The following IL10RB variants were observed in gnomAD, a reference collection of about 807,000 sequenced individuals.
IL10RB encodes the protein interleukin-10 receptor subunit beta.
A neutral mutation model predicts 38.7 loss-of-function variants in IL10RB; 30 were observed. The observed-to-expected ratio is 0.78, with a 90% confidence interval of 0.58 to 1.05. IL10RB has a LOEUF of 1.05. Among genes scored for constraint, IL10RB ranks in the 50% least tolerant of loss-of-function variants. IL10RB has a pLI of 0.00. For missense variants in IL10RB, 328 were observed against 397.1 expected (o/e 0.83, Z 1.48); for synonymous variants, 142 against 145.9 (o/e 0.97, Z 0.19).
chr21:33,291,154 A>C (rs751977888), intron 6 of IL10RB, among the ~76,000 whole-genome samples: 1 of 152,144 alleles, frequency 6.6e-6, no homozygotes, highest in Non-Finnish European at 1.5e-5. Context: ...CAGTCACGGG[A>C]GGAGGGCTCA....
chr21:33,276,517 CT>C (rs1460524050), intron 2 of IL10RB, 78 bp from the exon 3 acceptor site: 6 of 1,198,572 alleles, frequency 5.0e-6, no homozygotes, highest in African/African-American at 1.5e-5. Context: ...CCGCCCCCCC[CT>C]CCAAATTAAG....
intron 4 of IL10RB, 59 bp downstream of exon 4, chr21:33,279,977 TGCAAGGTG>T: frequency 6.7e-7 from 1 of 1,500,802 alleles, no homozygotes; most frequent in Non-Finnish European, 9.3e-7. Flanking sequence ...TGCAGAATCT[TGCAAGGTG>T]GCAGCACCTT....
chr21:33,278,245 G>T (rs1256064845), intron 3 of IL10RB, among the ~76,000 whole-genome samples: 1 of 151,810 alleles, frequency 6.6e-6, no homozygotes, highest in Admixed American at 6.6e-5. Flanking sequence ...CTCTATATGG[G>T]GAGTGGTCTT....
At chr21:33,276,897 G>A (rs1989181894) in intron 3 of IL10RB, 144 bp downstream of exon 3, 2 of 678,320 alleles carry the variant, frequency 2.9e-6, no homozygotes, top group African/African-American at 3.6e-5. Flanking sequence ...ATAATAAAGA[G>A]AGTTGTATCC....
intron 3 of IL10RB, 27 bp from the exon 4 acceptor site, chr21:33,279,725 T>C: frequency 6.2e-7 from 1 of 1,606,564 alleles, no homozygotes; most frequent in African/African-American, 1.3e-5. Context: ...GATTTTTGAT[T>C]GTCATTTTGC....
intron 4 of IL10RB, among the ~76,000 whole-genome samples, chr21:33,281,044 G>A (rs1029854120): frequency 5.9e-5 from 9 of 152,186 alleles, no homozygotes; most frequent in African/African-American, 1.9e-4. Context: ...TTCAGTGTCT[G>A]GTGAGCACTG....
chr21:33,298,956 TAA>T (rs1425568592), downstream of IL10RB, among the ~76,000 whole-genome samples: 1 of 152,126 alleles, frequency 6.6e-6, no homozygotes, highest in African/African-American at 2.4e-5. Flanking sequence ...ATCTGCAGAA[TAA>T]AAGATTAGGG....
chr21:33,309,085 G>A (rs868421652), exon 2 of IL10RB: 3 of 152,220 alleles, frequency 2.0e-5, no homozygotes, highest in South Asian at 2.1e-4. Context: ...GCCCTTGCAC[G>A]TTTGTGGTTT....
Position 33,296,517 on chromosome 21 carries a change from T to G in IL10RB, c.*160T>G. On this transcript the variant is annotated 3_prime_UTR_variant, in exon 7 of 7. Coordinates refer to ENST00000290200, the MANE Select transcript of IL10RB (RefSeq NM_000628.5). ...GGACTTAGCCACCAGAGAGCTACAT[T>G]TTAAAGGCTGTCTTGGCAAAAATAC... The G allele has an allele frequency of 1.3e-6, 1 of 752,460 alleles. No homozygotes were observed. Among genetic ancestry groups the G allele is most frequent in the South Asian group, 1.5e-5 (1 of 68,220 alleles). The allele number at this position is 752,460 out of a possible 1,614,324, so 46.6% of individuals were successfully genotyped here. A position where few individuals can be genotyped will look rare whatever the true frequency, so the allele number is the denominator to read the frequency against.
intron 1 of IL10RB, 186 bp from the exon 2 acceptor site, chr21:33,268,208 T>TC: frequency 6.7e-7 from 1 of 1,487,922 alleles, no homozygotes; most frequent in East Asian, 2.5e-5. Context: ...TCCAGAAATT[T>TC]CTCCTCACGG....
At chr21:33,270,991 GC>G (rs1989069478) in intron 2 of IL10RB, among the ~76,000 whole-genome samples, 8 of 152,128 alleles carry the variant, frequency 5.3e-5, no homozygotes, top group Admixed American at 4.6e-4. Context: ...ATGCCTTTTT[GC>G]CATTATAGTC....
intron 6 of IL10RB, among the ~76,000 whole-genome samples, chr21:33,291,998 C>T (rs1237179513): frequency 6.6e-6 from 1 of 152,146 alleles, no homozygotes; most frequent in Non-Finnish European, 1.5e-5. Flanking sequence ...TGGCTGACAT[C>T]CACTGGCTGT....
chr21:33,286,464 G>A lies in IL10RB; in HGVS notation c.647-1640G>A, dbSNP rs554325067. ...GCCGAACAAGGGGAGCTGGGACCAC[G>A]AGCAACCCAGGTGACATCCTGGACT... On this transcript the variant is annotated intron_variant, in intron 5 of 6. Coordinates refer to ENST00000290200, the MANE Select transcript of IL10RB (RefSeq NM_000628.5). 5.9e-5 allele frequency among the ~76,000 whole-genome samples: 9 copies of A among 152,300 alleles called. No homozygotes were observed. In the South Asian group the frequency reaches 1.2e-3, roughly 21 times the overall value.
rs529492236 is a variant in IL10RB at position 33,295,872 on chromosome 21, C to A, written c.805-312C>A. On this transcript the variant is annotated intron_variant, in intron 6 of 6. Coordinates refer to ENST00000290200, the MANE Select transcript of IL10RB (RefSeq NM_000628.5). The stretch of plus-strand genomic sequence containing the variant: ...CCAGCCTGGCCAACATGGTGAAATC[C>A]CATCTGTACTAAAAATACAAAAATT... Among the ~76,000 whole-genome samples, 29 of 152,036 alleles carry A rather than the reference C, an allele frequency of 1.9e-4. No homozygotes were observed. In the South Asian group the frequency reaches 5.0e-3, roughly 26 times the overall value.
chr21:33,303,469 C>T (rs1416779725), intron 1 of IL10RB, among the ~76,000 whole-genome samples: 2 of 151,514 alleles, frequency 1.3e-5, no homozygotes, highest in Non-Finnish European at 2.9e-5. Context: ...ATTCTCCTGC[C>T]TCAACCTCCC....
chr21:33,280,807 T>C (rs757868013), intron 4 of IL10RB, among the ~76,000 whole-genome samples: 9 of 152,208 alleles, frequency 5.9e-5, no homozygotes, highest in Non-Finnish European at 1.2e-4. Flanking sequence ...TCACCCATGT[T>C]TATTATCTTA....
At chr21:33,295,487 C>T (rs947191841) in intron 6 of IL10RB, among the ~76,000 whole-genome samples, 3 of 150,562 alleles carry the variant, frequency 2.0e-5, no homozygotes, top group African/African-American at 7.3e-5. Flanking sequence ...GCCTGGCCAG[C>T]GTGGTGAAAC....
At chr21:33,300,886 T>A (rs559460009), downstream of IL10RB, among the ~76,000 whole-genome samples, 6 of 152,336 alleles carry the variant, frequency 3.9e-5, no homozygotes, top group Admixed American at 1.3e-4. Flanking sequence ...CTACATTCCT[T>A]GGACAATTTC....
downstream of IL10RB, among the ~76,000 whole-genome samples, chr21:33,300,203 G>A (rs1289362222): frequency 6.6e-6 from 1 of 152,194 alleles, no homozygotes; most frequent in Non-Finnish European, 1.5e-5. Flanking sequence ...ACTTTGGGAG[G>A]CCGAGGTGGG....
Sources: allele counts gnomAD v4.1 joint callset (sites outside exome capture counted in the v4.1 genomes callset), GRCh38; gene constraint gnomAD v4.1.1; transcripts MANE v1.5; gene names NCBI Gene and HGNC (gene_info 2026-07-23, HGNC 2026-07-21).